PPP2R5C: variants seen among roughly 807,000 people sequenced by gnomAD.
PPP2R5C encodes the protein serine/threonine-protein phosphatase 2A 56 kDa regulatory subunit gamma isoform.
A neutral mutation model predicts 68.9 loss-of-function variants in PPP2R5C; 7 were observed. The ratio of observed to expected loss-of-function variants is 0.10; its 90% CI spans 0.06 to 0.19. The LOEUF is 0.19. Ranked by LOEUF, PPP2R5C falls within the 10% of genes least tolerant of loss-of-function variation. PPP2R5C has a pLI of 1.00. For missense variants in PPP2R5C, 348 were observed against 641.3 expected, an observed-to-expected ratio of 0.54 and a Z score of 4.94; for synonymous variants, 210 against 222.2, an observed-to-expected ratio of 0.95 and a Z score of 0.49.
At chr14:101,908,183 C>G (rs991948606) in intron 10 of PPP2R5C, among the ~76,000 whole-genome samples, 1 of 152,140 alleles carries the variant, frequency 6.6e-6, no homozygotes, top group African/African-American at 2.4e-5. Flanking sequence ...AGTTAATATG[C>G]GTAAAGTACC....
chr14:101,855,860 A>G (rs1208986740), intron 1 of PPP2R5C, among the ~76,000 whole-genome samples: 3 of 152,164 alleles, frequency 2.0e-5, no homozygotes, highest in African/African-American at 7.2e-5. Flanking sequence ...CTCTTTCTTT[A>G]TGTCTGTTGT....
At chr14:101,881,216 G>A (rs1677992) in intron 2 of PPP2R5C, among the ~76,000 whole-genome samples, 15,236 of 151,834 alleles carry the variant, frequency 0.1, 871 homozygotes, top group South Asian at 0.13. Flanking sequence ...TGGTGAAACC[G>A]TGGTGAAATC....
At chr14:101,873,264 A>G (rs1453563828) in intron 2 of PPP2R5C, among the ~76,000 whole-genome samples, 3 of 152,170 alleles carry the variant, frequency 2.0e-5, no homozygotes, top group Non-Finnish European at 4.4e-5. Flanking sequence ...TTCTCATTAT[A>G]AATCCTTCTC....
intron 9 of PPP2R5C, among the ~76,000 whole-genome samples, chr14:101,902,252 G>C (rs2045731011): frequency 6.6e-6 from 1 of 152,174 alleles, no homozygotes; most frequent in Non-Finnish European, 1.5e-5. Context: ...AGATGCTCTT[G>C]CTGCCGAGGC....
chr14:101,924,148 C>T (rs2047158867), intron 13 of PPP2R5C, among the ~76,000 whole-genome samples: 1 of 152,164 alleles, frequency 6.6e-6, no homozygotes, highest in Admixed American at 6.5e-5. Context: ...GGTATTAACA[C>T]AGTGTCTCTA....
chr14:101,863,799 G>A (rs1014844885), intron 2 of PPP2R5C, among the ~76,000 whole-genome samples: 4 of 152,216 alleles, frequency 2.6e-5, no homozygotes, highest in African/African-American at 9.7e-5. Flanking sequence ...TTGGAAGACT[G>A]AGGCAGAAGA....
At chr14:101,770,766 C>G (rs1321058251) in intron 2 of PPP2R5C, among the ~76,000 whole-genome samples, 1 of 152,220 alleles carries the variant, frequency 6.6e-6, no homozygotes, top group Non-Finnish European at 1.5e-5. Flanking sequence ...ATTAAAGCAA[C>G]AGCAGGGTGA....
At chr14:101,902,676 C>CA (rs1243672787) in intron 9 of PPP2R5C, among the ~76,000 whole-genome samples, 1 of 152,206 alleles carries the variant, frequency 6.6e-6, no homozygotes, top group African/African-American at 2.4e-5. Flanking sequence ...GTGGCGTGTG[C>CA]AGCAGGCTCT....
At chr14:101,773,685 G>T (rs1302881425) in intron 2 of PPP2R5C, among the ~76,000 whole-genome samples, 1 of 152,066 alleles carries the variant, frequency 6.6e-6, no homozygotes, top group Non-Finnish European at 1.5e-5. Flanking sequence ...TGGCAGGGAG[G>T]GGGAGTTGTT....
chr14:101,887,022 A>G (rs2044570738), intron 5 of PPP2R5C, among the ~76,000 whole-genome samples: 1 of 152,262 alleles, frequency 6.6e-6, no homozygotes, highest in South Asian at 2.1e-4. Context: ...GGCGTGAGCC[A>G]CCACACCCAG....
At chr14:101,793,712 CCATACT>C (rs2038476696) in intron 3 of PPP2R5C, among the ~76,000 whole-genome samples, 2 of 152,170 alleles carry the variant, frequency 1.3e-5, no homozygotes, top group Non-Finnish European at 2.9e-5. Context: ...CCTTTTACAC[CCATACT>C]CATGGCACCC....
At chr14:101,827,966 T>TA (rs2040497088) in intron 1 of PPP2R5C, among the ~76,000 whole-genome samples, 1 of 152,368 alleles carries the variant, frequency 6.6e-6, no homozygotes, top group Admixed American at 6.5e-5. Flanking sequence ...ATCTTTTTTT[T>TA]ACTGATCTTA....
At chr14:101,914,072 ATTG>A in intron 12 of PPP2R5C, 1 of 441,018 alleles carries the variant, frequency 2.3e-6, no homozygotes, top group Non-Finnish European at 4.5e-6. Flanking sequence ...TGAAATACGT[ATTG>A]TTCTCTTTTT....
At chr14:101,773,247 C>T (rs947066721) in intron 2 of PPP2R5C, among the ~76,000 whole-genome samples, 2 of 152,108 alleles carry the variant, frequency 1.3e-5, no homozygotes, top group Admixed American at 6.6e-5. Flanking sequence ...GGCGTGAGAG[C>T]GTCTCACCTT....
intron 2 of PPP2R5C, among the ~76,000 whole-genome samples, chr14:101,863,570 C>G (rs2042883300): frequency 6.6e-6 from 1 of 152,156 alleles, no homozygotes; most frequent in East Asian, 1.9e-4. Context: ...CACTCAAAGG[C>G]TGCAGCTTCA....
At chr14:101,761,841 G>A, upstream of PPP2R5C, 1 of 1,018,896 alleles carries the variant, frequency 9.8e-7, no homozygotes, top group Non-Finnish European at 1.2e-6. Context: ...CGCTGCTGCT[G>A]CGGGGGCAGG....
rs1287534309 is a variant in PPP2R5C at position 101,781,817 on chromosome 14, T to C, written c.94-4201T>C. Among the ~76,000 whole-genome samples the C allele has an allele frequency of 6.6e-6, 1 of 151,732 alleles. No individual in the cohort carries two copies. The highest frequency in any genetic ancestry group is 1.5e-5 in the Non-Finnish European group (1 of 67,876). On this transcript the variant is annotated intron_variant, in intron 2 of 14. Transcript: ENST00000328724. The surrounding 1 kb of genome is among the most constrained non-coding windows in gnomAD (Gnocchi z 6.4). ...CCGCGAACCGCGCTCTCCCGTTTCC[T>C]TTCCGTCCCGTCTCGGGGGCTTCAT...
intron 13 of PPP2R5C, among the ~76,000 whole-genome samples, chr14:101,919,198 C>T (rs536151991): frequency 6.6e-6 from 1 of 152,224 alleles, no homozygotes; most frequent in Non-Finnish European, 1.5e-5. Context: ...CCACGGTCAT[C>T]GGCCTCTTCT....
chr14:101,884,623 G>C (rs2044373438), intron 5 of PPP2R5C, among the ~76,000 whole-genome samples: 1 of 152,226 alleles, frequency 6.6e-6, no homozygotes, highest in Non-Finnish European at 1.5e-5. Context: ...GAGTCCAGTG[G>C]CAGGCCCACC....
Sources: gnomAD v4.1 joint callset for allele counts (sites outside exome capture counted in the v4.1 genomes callset) on GRCh38, gnomAD v4.1.1 for gene constraint, Gnocchi (gnomAD v3.1) non-coding constraint, MANE v1.5 for transcripts, NCBI Gene and HGNC (gene_info 2026-07-23, HGNC 2026-07-21) for gene names.